GALNT2: variants seen among roughly 807,000 people sequenced by gnomAD.
The protein encoded by GALNT2 is UDP-GalNAc:polypeptide N-acetylgalactosaminyltransferase 2.
GALNT2 carries 31 observed loss-of-function variants against 81.4 expected under a neutral mutation model. The ratio of observed to expected loss-of-function variants is 0.38; its 90% CI spans 0.29 to 0.51. The LOEUF (loss-of-function observed/expected upper bound fraction) is 0.51. Among genes scored for constraint, GALNT2 ranks in the 20% least tolerant of loss-of-function variants. The pLI, the probability that GALNT2 is intolerant of heterozygous loss-of-function variation, is 0.87. For missense variants in GALNT2, 629 were observed against 765.7 expected (o/e 0.82, Z 2.11); for synonymous variants, 303 against 287.4 (o/e 1.05, Z -0.55).
rs962552252 is a variant in GALNT2, at chr1:230,265,277, G to A, written c.1350G>A (p.Leu450=). ...PDHQDIAFGA[L]QQGTNCLDTL... ...ATCAGGATATAGCTTTTGGGGCCTT[G>A]CAGCAGGGAACTAACTGCCTCGACA... is the stretch of plus-strand genomic sequence containing the variant. Residue 450 remains leucine, a synonymous_variant, in exon 14 of 16, where the codon TTG becomes TTA. Transcript: ENST00000366672. 1.2e-6 allele frequency: 2 copies of A among 1,614,106 alleles called. No individual in the cohort carries two copies. The highest frequency in any genetic ancestry group is 1.3e-5 in the African/African-American group (1 of 74,928).
At chr1:230,259,953 C>CTT (rs1366308688) in intron 11 of GALNT2, among the ~76,000 whole-genome samples, 3 of 152,198 alleles carry the variant, frequency 2.0e-5, no homozygotes, top group Non-Finnish European at 4.4e-5. Context: ...AAACTATAAA[C>CTT]TAAGTTTCTC....
chr1:230,133,912 C>CT (rs1290633715), intron 1 of GALNT2, among the ~76,000 whole-genome samples: 4 of 151,726 alleles, frequency 2.6e-5, no homozygotes, highest in Admixed American at 1.3e-4. Context: ...CACACTTTTC[C>CT]TTTTTTTTAA....
At chr1:230,262,826 C>T in intron 12 of GALNT2, 96 bp from the exon 13 acceptor site, 1 of 1,377,462 alleles carries the variant, frequency 7.3e-7, no homozygotes. Flanking sequence ...CACCACCTGC[C>T]CCAACCCTGT....
intron 1 of GALNT2, among the ~76,000 whole-genome samples, chr1:230,124,971 T>A (rs1338968211): frequency 6.6e-6 from 1 of 152,182 alleles, no homozygotes; most frequent in Admixed American, 6.5e-5. Flanking sequence ...CTGGCTGTTT[T>A]CAAGAGTGTT....
chr1:230,227,489 C>A (rs1664749029), intron 3 of GALNT2, among the ~76,000 whole-genome samples: 1 of 146,396 alleles, frequency 6.8e-6, no homozygotes. Context: ...TATAATATAG[C>A]TATATATGCT....
intron 3 of GALNT2, among the ~76,000 whole-genome samples, chr1:230,213,259 T>C (rs570696242): frequency 1.3e-5 from 2 of 152,246 alleles, no homozygotes; most frequent in Non-Finnish European, 2.9e-5. Context: ...AACAGGCAAT[T>C]ACGTAGCCTA....
At position 230,198,413 on chromosome 1, in the gene GALNT2, A is replaced by C. The variant is rs12046241; in HGVS notation, c.221-4724A>C. On this transcript the variant is annotated intron_variant, in intron 2 of 15. Coordinates refer to ENST00000366672, the MANE Select transcript of GALNT2 (RefSeq NM_004481.5). ...CAGGGGCAGGACAGCAGCCCAGGAGAGTACGAGGAGTGGCAGGGGCAGGAC... is the reference window on the plus strand; with the variant it reads ...CAGGGGCAGGACAGCAGCCCAGGAGCGTACGAGGAGTGGCAGGGGCAGGAC... 9.9e-3 allele frequency among the ~76,000 whole-genome samples: 829 copies of C among 83,810 alleles called. 26 individuals carry two copies. The highest frequency in any genetic ancestry group is 0.063 in the East Asian group (76 of 1,200). The allele number at this position is 83,810 out of a possible 152,430, so 55.0% of individuals were successfully genotyped here. A position where few individuals can be genotyped will look rare whatever the true frequency, so the allele number is the denominator to read the frequency against.
intron 2 of GALNT2, among the ~76,000 whole-genome samples, chr1:230,202,305 C>T (rs1156507205): frequency 6.6e-6 from 1 of 152,164 alleles, no homozygotes; most frequent in Admixed American, 6.5e-5. Context: ...TTTATTACAC[C>T]TGGGCTCATC....
intron 2 of GALNT2, among the ~76,000 whole-genome samples, chr1:230,202,130 A>G (rs1465104552): frequency 6.6e-6 from 1 of 152,222 alleles, no homozygotes; most frequent in Non-Finnish European, 1.5e-5. Flanking sequence ...CAAACAATGA[A>G]TAGCGTATCC....
At chr1:230,274,670 G>A (rs539391552) in intron 15 of GALNT2, 106 bp downstream of exon 15, 32 of 1,322,750 alleles carry the variant, frequency 2.4e-5, no homozygotes, top group South Asian at 1.3e-4. Context: ...CCATCTCTGC[G>A]TGTACTTATG....
At chr1:230,201,666 C>T (rs889399066) in intron 2 of GALNT2, among the ~76,000 whole-genome samples, 4 of 152,170 alleles carry the variant, frequency 2.6e-5, no homozygotes, top group African/African-American at 7.2e-5. Context: ...GTGTAGCTGC[C>T]GGCAGCCCTG....
At chr1:230,157,319 A>G (rs574498047) in intron 1 of GALNT2, among the ~76,000 whole-genome samples, 8 of 152,230 alleles carry the variant, frequency 5.3e-5, no homozygotes, top group African/African-American at 1.7e-4. Flanking sequence ...TTTGGGGGGA[A>G]AAAAAGCAAA....
intron 2 of GALNT2, among the ~76,000 whole-genome samples, chr1:230,202,664 C>A (rs1572081981): frequency 6.6e-6 from 1 of 152,184 alleles, no homozygotes; most frequent in African/African-American, 2.4e-5. Context: ...TTTTGATATC[C>A]TGTTCTTTAG....
At chr1:230,108,071 G>C (rs1475883831) in intron 1 of GALNT2, among the ~76,000 whole-genome samples, 1 of 152,220 alleles carries the variant, frequency 6.6e-6, no homozygotes, top group Non-Finnish European at 1.5e-5. Context: ...TGGCTTGCAT[G>C]AGAAGGGATG....
intron 8 of GALNT2, 38 bp from the exon 9 acceptor site, chr1:230,249,146 T>C: frequency 6.3e-7 from 1 of 1,578,500 alleles, no homozygotes; most frequent in South Asian, 1.1e-5. Flanking sequence ...AAGTGGCCAG[T>C]CTCTTGTCAA....
In GALNT2 at chr1:230,209,622, G is replaced by A. The variant is rs547817509; in HGVS notation, c.374+6332G>A. ...TTTGGGAGGCCAAGGCGGGTGAATC[G>A]CTTGAGTCCAGGAGTTTGAGACCAG... On this transcript the variant is annotated intron_variant, in intron 3 of 15. Coordinates refer to ENST00000366672, the MANE Select transcript of GALNT2 (RefSeq NM_004481.5). 7.2e-5 allele frequency among the ~76,000 whole-genome samples: 11 copies of A among 152,258 alleles called. No homozygotes were observed. In the East Asian group the frequency reaches 1.9e-3, roughly 27 times the overall value.
At chr1:230,278,389 T>C (rs1666352818) in intron 15 of GALNT2, among the ~76,000 whole-genome samples, 1 of 152,072 alleles carries the variant, frequency 6.6e-6, no homozygotes, top group Non-Finnish European at 1.5e-5. Flanking sequence ...CCTCCCAAAG[T>C]GCTGGGATTA....
At chr1:230,246,181 C>A in intron 8 of GALNT2, 31 bp downstream of exon 8, 1 of 1,488,350 alleles carries the variant, frequency 6.7e-7, no homozygotes, top group Non-Finnish European at 9.4e-7. Flanking sequence ...CCCTGCCTAG[C>A]TCGTCCCGTC....
chr1:230,174,457 C>T (rs1335322388), intron 1 of GALNT2, among the ~76,000 whole-genome samples: 1 of 152,134 alleles, frequency 6.6e-6, no homozygotes, highest in Non-Finnish European at 1.5e-5. Context: ...GTAGCTTCAT[C>T]ATTTCCAAAC....
Sources: gnomAD v4.1 joint callset for allele counts (sites outside exome capture counted in the v4.1 genomes callset) on GRCh38, gnomAD v4.1.1 for gene constraint, MANE v1.5 for transcripts, NCBI Gene and HGNC (gene_info 2026-07-23, HGNC 2026-07-21) for gene names.